COL5A2: variants seen among roughly 807,000 people sequenced by gnomAD.
The protein encoded by COL5A2 is collagen type V alpha 2 chain, also known as collagen alpha-2(V) chain.
In COL5A2, 23 loss-of-function variants were observed where a neutral mutation model predicts 208.2. The observed-to-expected ratio is 0.11, with a 90% CI of 0.08 to 0.16. The LOEUF (loss-of-function observed/expected upper bound fraction) is 0.16, where lower values mean the gene tolerates loss of function less well. COL5A2 is among the 10% of genes least tolerant of loss of function. The pLI, the probability that COL5A2 is intolerant of heterozygous loss-of-function variation, is 1.00. For synonymous variants in COL5A2, 625 were observed against 628.5 expected, an observed-to-expected ratio of 0.99 and a Z score of 0.08; for missense variants, 1,590 against 1,956.4, an observed-to-expected ratio of 0.81 and a Z score of 3.53.
At chr2:189,289,082 C>T in the COL5A2 span, among the ~76,000 whole-genome samples, 1 of 152,252 alleles carries the variant, frequency 6.6e-6, no homozygotes, top group African/African-American at 2.4e-5. Context: ...TGGCTCACAC[C>T]TGTAATCCCA....
chr2:189,226,694 G>A (rs1689423917), upstream of COL5A2, among the ~76,000 whole-genome samples: 1 of 152,138 alleles, frequency 6.6e-6, no homozygotes, highest in Admixed American at 6.6e-5. Flanking sequence ...GGTGTATGCT[G>A]CTACTCCAGA....
intron 1 of COL5A2, among the ~76,000 whole-genome samples, chr2:189,187,518 C>T (rs985314114): frequency 6.6e-6 from 1 of 152,106 alleles, no homozygotes; most frequent in African/African-American, 2.4e-5. Flanking sequence ...ATATTACCTA[C>T]CTCATTGGTA....
At chr2:189,266,441 T>G in the COL5A2 span, among the ~76,000 whole-genome samples, 1 of 151,136 alleles carries the variant, frequency 6.6e-6, no homozygotes, top group Admixed American at 6.6e-5. Flanking sequence ...AAAAAAAAGA[T>G]ATGAAATATA....
the COL5A2 span, among the ~76,000 whole-genome samples, chr2:189,419,877 G>GGAGGAGGAGAGGAGAGGA: frequency 2.7e-5 from 4 of 148,090 alleles, no homozygotes; most frequent in African/African-American, 1.0e-4. Context: ...GAGAGGAGGA[G>GGAGGAGGAGAGGAGAGGA]GAGGAGGAGA....
At chr2:189,389,288 T>C in the COL5A2 span, among the ~76,000 whole-genome samples, 3 of 152,176 alleles carry the variant, frequency 2.0e-5, no homozygotes, top group Admixed American at 6.5e-5. Flanking sequence ...CAGCATATGA[T>C]TGATGGCCAT....
chr2:189,190,791 G>C, intron 1 of COL5A2, among the ~76,000 whole-genome samples: 1 of 152,132 alleles, frequency 6.6e-6, no homozygotes, highest in East Asian at 1.9e-4. Flanking sequence ...TCTTAAGATG[G>C]GGTTTTGGTT....
chr2:189,382,086 T>C, the COL5A2 span, among the ~76,000 whole-genome samples: 1,260 of 152,338 alleles, frequency 8.3e-3, 24 homozygotes, highest in African/African-American at 0.029. Flanking sequence ...ACAACTTGAA[T>C]AAATGACTAC....
chr2:189,092,476 A>C (rs1280930508), intron 6 of COL5A2, 56 bp from the exon 7 acceptor site: 2 of 1,069,020 alleles, frequency 1.9e-6, no homozygotes, highest in Non-Finnish European at 2.8e-6. Context: ...ACTTAGTAGA[A>C]AGCTAAAGGC....
At chr2:189,180,006 T>C (rs926236552), upstream of COL5A2, 1 of 408,422 alleles carries the variant, frequency 2.4e-6, no homozygotes, top group Non-Finnish European at 4.3e-6. Flanking sequence ...TTTTCTTTTA[T>C]TTTTTAAGAA....
At chr2:189,315,581 G>C in the COL5A2 span, among the ~76,000 whole-genome samples, 3 of 152,076 alleles carry the variant, frequency 2.0e-5, no homozygotes, top group Non-Finnish European at 4.4e-5. Context: ...TTCTGGCCAG[G>C]ACAATTGGGC....
the COL5A2 span, among the ~76,000 whole-genome samples, chr2:189,243,226 G>A: frequency 6.6e-6 from 1 of 152,058 alleles, no homozygotes; most frequent in African/African-American, 2.4e-5. Flanking sequence ...GGAAGAAAGG[G>A]AGGGAGAGAG....
chr2:189,095,603 A>G (rs7420331), intron 6 of COL5A2, among the ~76,000 whole-genome samples: 20,181 of 152,026 alleles, frequency 0.13, 1,365 homozygotes, highest in Middle Eastern at 0.19. Flanking sequence ...CCACATCACA[A>G]AGTCAAATAG....
the COL5A2 span, among the ~76,000 whole-genome samples, chr2:189,312,655 C>T: frequency 2.6e-5 from 4 of 152,146 alleles, no homozygotes; most frequent in African/African-American, 7.2e-5. Context: ...GATCTAGAGT[C>T]GCCAGCCACC....
intron 1 of COL5A2, among the ~76,000 whole-genome samples, chr2:189,127,912 C>T (rs550705393): frequency 1.3e-5 from 2 of 152,122 alleles, no homozygotes; most frequent in East Asian, 1.9e-4. Flanking sequence ...AGGAGTGCTG[C>T]TTCTTCCACA....
At chr2:189,056,909 G>A (rs1055057944) in intron 35 of COL5A2, 64 bp downstream of exon 35, 1 of 1,495,516 alleles carries the variant, frequency 6.7e-7, no homozygotes, top group Non-Finnish European at 9.3e-7. Context: ...AAGGTTCAGG[G>A]AAACTCATAT....
chr2:189,082,986 TA>T (rs111982833), intron 12 of COL5A2, among the ~76,000 whole-genome samples: 21,601 of 152,182 alleles, frequency 0.14, 1,521 homozygotes, highest in Middle Eastern at 0.19. Context: ...AAATTTCCCT[TA>T]AAAGATAAGG....
At chr2:189,035,763 T>C (rs1459995039) in intron 52 of COL5A2, among the ~76,000 whole-genome samples, 1 of 152,116 alleles carries the variant, frequency 6.6e-6, no homozygotes, top group Non-Finnish European at 1.5e-5. Context: ...TTATCTTGTA[T>C]ACACCCATAA....
At position 189,033,332 on chromosome 2, in the gene COL5A2, G is replaced by A. The variant is rs1685374969; in HGVS notation, c.*738C>T. On this transcript the variant is annotated 3_prime_UTR_variant, in exon 54 of 54. Coordinates refer to ENST00000374866, the MANE Select transcript of COL5A2 (RefSeq NM_000393.5). ...AATATTGATAGATTGATCAAGAGGA[G>A]AAAGATATCTTTAAATTTGAATGAG... The A allele has an allele frequency of 1.3e-5, 2 of 152,620 alleles. No individual in the cohort carries two copies. Among genetic ancestry groups the A allele is most frequent in the African/African-American group, 4.8e-5 (2 of 41,414 alleles). The allele number at this position is 152,620 out of a possible 1,614,324, so 9.5% of individuals were successfully genotyped here. A position where few individuals can be genotyped will look rare whatever the true frequency, so the allele number is the denominator to read the frequency against.
the COL5A2 span, among the ~76,000 whole-genome samples, chr2:189,313,599 C>A: frequency 2.0e-5 from 3 of 152,100 alleles, no homozygotes; most frequent in Admixed American, 6.6e-5. Context: ...TCAATACTAA[C>A]CTTAAATGTA....
Sources: allele counts gnomAD v4.1 joint callset (sites outside exome capture counted in the v4.1 genomes callset), GRCh38; gene constraint gnomAD v4.1.1; transcripts MANE v1.5; gene names NCBI Gene and HGNC (gene_info 2026-07-23, HGNC 2026-07-21).